The following KCNN1 variants were observed in gnomAD, a reference collection of about 807,000 sequenced individuals.
KCNN1 encodes the protein small conductance calcium-activated potassium channel protein 1.
A neutral mutation model predicts 44.7 loss-of-function variants in KCNN1; 20 were observed. That is an observed-to-expected ratio of 0.45 (90% CI 0.32 to 0.65). The LOEUF is 0.65. KCNN1 is among the 30% of genes least tolerant of loss of function. The pLI is 0.05. For missense variants in KCNN1, 632 were observed against 785.3 expected, an observed-to-expected ratio of 0.80 and a Z score of 2.33; for synonymous variants, 324 against 341.7, an observed-to-expected ratio of 0.95 and a Z score of 0.57.
rs926767769 is a variant in KCNN1 at position 17,974,678 on chromosome 19, T to C, written c.402+388T>C. On this transcript the variant is annotated intron_variant, in intron 2 of 9. Coordinates refer to ENST00000684775, the MANE Select transcript of KCNN1 (RefSeq NM_001386974.1). The surrounding 1 kb of genome is among the most constrained non-coding windows in gnomAD (Gnocchi z 7.3). ...GTGGGTTCCCTCATGCCACCTAGAA[T>C]GTGTGAGGATGGAGAGAGATCAGGG... 7.2e-5 allele frequency among the ~76,000 whole-genome samples: 11 copies of C among 151,944 alleles called. No homozygotes were observed. Among genetic ancestry groups the C allele is most frequent in the Non-Finnish European group, 1.6e-4 (11 of 67,964 alleles).
chr19:17,965,340 C>T (rs1205343834), upstream of KCNN1, among the ~76,000 whole-genome samples: 1 of 151,956 alleles, frequency 6.6e-6, no homozygotes, highest in Non-Finnish European at 1.5e-5. Flanking sequence ...AGGGTCAGCC[C>T]GTGGGCATGG....
chr19:17,953,073 T>C (rs1434402544), intron 1 of KCNN1, among the ~76,000 whole-genome samples: 1 of 152,108 alleles, frequency 6.6e-6, no homozygotes, highest in Non-Finnish European at 1.5e-5. Flanking sequence ...TTCTCCAAGT[T>C]TCTCCTCTGG....
intron 2 of KCNN1, among the ~76,000 whole-genome samples, chr19:17,956,598 T>C (rs1020354682): frequency 8.6e-5 from 13 of 151,204 alleles, no homozygotes; most frequent in African/African-American, 3.2e-4. Flanking sequence ...TTTTTTTAAA[T>C]TAACCAGTGG....
At chr19:17,966,263 G>A (rs112478505), upstream of KCNN1, among the ~76,000 whole-genome samples, 6 of 152,178 alleles carry the variant, frequency 3.9e-5, no homozygotes, top group African/African-American at 1.4e-4. Flanking sequence ...CAGGCTGGTG[G>A]GGGACAGAGC....
At chr19:17,966,032 CCT>C (rs1440230556), upstream of KCNN1, among the ~76,000 whole-genome samples, 2 of 19,338 alleles carry the variant, frequency 1.0e-4, no homozygotes, top group Non-Finnish European at 2.6e-4. Context: ...TGCCTTCCTT[CCT>C]TCCTTCCTTC....
At chr19:17,965,616 G>C (rs1343161077), upstream of KCNN1, among the ~76,000 whole-genome samples, 2 of 152,076 alleles carry the variant, frequency 1.3e-5, no homozygotes, top group Admixed American at 6.6e-5. Context: ...GATGCAAGAG[G>C]GGTGGCTGGT....
rs76941456 is a variant in KCNN1, at chr19:17,975,206, A to G, written c.498+19A>G. ...GATCCAGGTCAGTGCTGAATACTGC[A>G]GGAAGCAGCTCCTCTCCTCAAACCC... On this transcript the variant is annotated intron_variant, in intron 3 of 9. Coordinates refer to ENST00000684775, the MANE Select transcript of KCNN1 (RefSeq NM_001386974.1). 1.1e-4 allele frequency: 173 copies of G among 1,584,038 alleles called. No homozygotes were observed. The Admixed American group carries it at 2.9e-3, about 26-fold the overall frequency.
intron 5 of KCNN1, among the ~76,000 whole-genome samples, chr19:17,988,154 CAAAAAA>C (rs59928660): frequency 1.9e-5 from 1 of 53,538 alleles, no homozygotes; most frequent in South Asian, 6.8e-4. Flanking sequence ...GACTCCATCT[CAAAAAA>C]AAAAAAAAAA....
At chr19:17,959,418 T>C (rs1052849805) in intron 2 of KCNN1, among the ~76,000 whole-genome samples, 5 of 151,524 alleles carry the variant, frequency 3.3e-5, no homozygotes, top group Non-Finnish European at 7.4e-5. Context: ...CCACCACGCC[T>C]GGCTAATTTT....
At position 17,973,842 on chromosome 19, in the gene KCNN1, G is replaced by A; in HGVS notation, c.-47G>A. ...GGAGCCCAGCCGCTGAGCCATGCCGGGCCCCGGGCGGCCTGCAGCGAGCCC... is the reference window on the plus strand; with the variant it reads ...GGAGCCCAGCCGCTGAGCCATGCCGAGCCCCGGGCGGCCTGCAGCGAGCCC... On this transcript the variant is annotated 5_prime_UTR_variant, in exon 2 of 10. Coordinates refer to ENST00000684775, the MANE Select transcript of KCNN1 (RefSeq NM_001386974.1). 6.5e-7 allele frequency: 1 copy of A among 1,538,686 alleles called. No homozygotes were observed. Among genetic ancestry groups the A allele is most frequent in the South Asian group, 1.2e-5 (1 of 83,690 alleles).
At chr19:17,972,560 C>T (rs973859313) in intron 1 of KCNN1, among the ~76,000 whole-genome samples, 45 of 152,280 alleles carry the variant, frequency 3.0e-4, no homozygotes, top group African/African-American at 1.1e-3. Context: ...CATGGATCCC[C>T]TCCTGGAAAC....
In KCNN1 at chr19:17,951,627, TTG is replaced by T. The variant is rs1198369422; in HGVS notation, c.-203+219_-203+220del. Among the ~76,000 whole-genome samples, 7 of 152,038 alleles carry T rather than the reference TTG, an allele frequency of 4.6e-5. No homozygotes were observed. In the South Asian group the frequency reaches 1.0e-3, roughly 23 times the overall value. ...CTCAAGAGGTTCCTAATCGCGCAGG[TTG>T]GGGGGAGGGTGTCACCAGCCCAACA... On this transcript the variant is annotated intron_variant, in intron 1 of 10. Transcript: ENST00000222249.
rs2032882113 is a variant in KCNN1, at chr19:17,993,691, T to C, written c.1377+132T>C. On this transcript the variant is annotated intron_variant, in intron 9 of 9. Transcript: ENST00000684775. This position sits in a 1 kb window ranked among gnomAD's most constrained non-coding sequence, Gnocchi z 4.5. ...CTGAGTGCAGTGGCGGGCGGATCGCTTGAGCTCAGGAGTTTGAGACCAGCC... is the reference window on the plus strand; with the variant it reads ...CTGAGTGCAGTGGCGGGCGGATCGCCTGAGCTCAGGAGTTTGAGACCAGCC... 1 of 716,794 alleles carries C rather than the reference T, an allele frequency of 1.4e-6. No individual in the cohort carries two copies. Among genetic ancestry groups the C allele is most frequent in the African/African-American group, 1.7e-5 (1 of 57,426 alleles). The allele number at this position is 716,794 out of a possible 1,614,324, so 44.4% of individuals were successfully genotyped here.
At chr19:17,956,079 A>G (rs1393679380) in intron 2 of KCNN1, among the ~76,000 whole-genome samples, 2 of 152,084 alleles carry the variant, frequency 1.3e-5, no homozygotes, top group Non-Finnish European at 2.9e-5. Context: ...CTGGGATTAC[A>G]GGCATGCGTC....
intron 1 of KCNN1, among the ~76,000 whole-genome samples, chr19:17,967,719 T>G (rs946239805): frequency 6.6e-6 from 1 of 151,154 alleles, no homozygotes. Flanking sequence ...CAGGGAGGGG[T>G]CAGGAAACCG....
chr19:17,994,459 AAAGC>A (rs2032912470), intron 9 of KCNN1, among the ~76,000 whole-genome samples: 2 of 152,044 alleles, frequency 1.3e-5, no homozygotes, highest in African/African-American at 4.8e-5. Context: ...AAAAAAAAAA[AAAGC>A]AAGAAAGAAA....
Position 17,973,955 on chromosome 19 carries a change from C to T in KCNN1, c.67C>T (p.Arg23Ter), listed in dbSNP as rs1273470880. 1.9e-6 allele frequency: 3 copies of T among 1,560,662 alleles called. No homozygotes were observed. The highest frequency in any genetic ancestry group is 2.6e-6 in the Non-Finnish European group (3 of 1,154,758). The change falls in exon 2 of 10, where the codon CGA (arginine) becomes TGA (stop). Residue 23 changes from arginine to a stop codon, truncating the protein, a stop_gained. Transcript: ENST00000684775. LOFTEE classifies it high-confidence loss of function. Reference sequence around the variant, plus strand: ...GGGCAGCGGGCCGGGCGCCCTGGGACGAGACCCTCCGGACCCTGAGGCCGG... The same window carrying T: ...GGGCAGCGGGCCGGGCGCCCTGGGATGAGACCCTCCGGACCCTGAGGCCGG... The part of the protein sequence containing the change: ...PLGSGPGALG[R>*]DPPDPEAGHP...
At chr19:17,982,454 G>A (rs1442299862) in intron 4 of KCNN1, 1 of 702,960 alleles carries the variant, frequency 1.4e-6, no homozygotes, top group Admixed American at 6.3e-5. Flanking sequence ...CCGATCTCTG[G>A]CCCCGGGGGG....
chr19:17,969,602 G>A (rs2031941448), intron 1 of KCNN1, among the ~76,000 whole-genome samples: 2 of 152,230 alleles, frequency 1.3e-5, no homozygotes, highest in Non-Finnish European at 2.9e-5. Context: ...CAGGCGAGGA[G>A]GAACATGGCA....
Sources: allele counts gnomAD v4.1 joint callset (sites outside exome capture counted in the v4.1 genomes callset), GRCh38; gene constraint gnomAD v4.1.1; non-coding constraint Gnocchi (gnomAD v3.1); transcripts MANE v1.5; gene names NCBI Gene and HGNC (gene_info 2026-07-23, HGNC 2026-07-21).